The following PDGFD variants were observed in gnomAD, a reference collection of about 807,000 sequenced individuals.
The protein encoded by PDGFD is platelet-derived growth factor D.
PDGFD carries 30 observed loss-of-function variants against 44.7 expected under a neutral mutation model. That is an observed-to-expected ratio of 0.67 (90% CI 0.50 to 0.91). PDGFD has a LOEUF of 0.91. PDGFD is among the 40% of genes least tolerant of loss of function. PDGFD has a pLI of 0.00. For missense variants in PDGFD, 445 were observed against 457.8 expected, an observed-to-expected ratio of 0.97 and a Z score of 0.25; for synonymous variants, 173 against 168.4, an observed-to-expected ratio of 1.03 and a Z score of -0.21.
rs1860519442 is a variant in PDGFD at position 104,050,648 on chromosome 11, A to C, written c.125-50393T>G. ...GTCTGCTCCACTCGGAAACACCCAG[A>C]AATGTGTGGGGCACTTTGGGATGTC... On this transcript the variant is annotated intron_variant, in intron 1 of 6. Transcript: ENST00000393158. 2.6e-5 allele frequency among the ~76,000 whole-genome samples: 4 copies of C among 152,288 alleles called. No homozygotes were observed. The South Asian group carries it at 8.3e-4, about 32-fold the overall frequency.
chr11:104,042,489 G>A lies in PDGFD; in HGVS notation c.125-42234C>T, dbSNP rs142462129. ...TTTGTCTCTTACTACAGCAATGAAT[G>A]TTTTCTGATTGCTTTTTCTTATTGA... is the stretch of plus-strand genomic sequence containing the variant. On this transcript the variant is annotated intron_variant, in intron 1 of 6. Coordinates refer to ENST00000393158, the MANE Select transcript of PDGFD (RefSeq NM_025208.5). 3.0e-4 allele frequency among the ~76,000 whole-genome samples: 46 copies of A among 152,148 alleles called. No homozygotes were observed. The East Asian group carries it at 3.3e-3, about 11-fold the overall frequency.
At chr11:104,128,804 T>C (rs1030148270) in intron 1 of PDGFD, among the ~76,000 whole-genome samples, 1 of 152,172 alleles carries the variant, frequency 6.6e-6, no homozygotes, top group Admixed American at 6.6e-5. Flanking sequence ...ACATTGATAA[T>C]GCACATGAAG....
At chr11:104,052,082 T>C (rs1860548318) in intron 1 of PDGFD, among the ~76,000 whole-genome samples, 1 of 152,230 alleles carries the variant, frequency 6.6e-6, no homozygotes, top group Admixed American at 6.5e-5. Context: ...ATTTAGGTAC[T>C]CTGGGTATTT....
chr11:104,071,388 T>G (rs1415225759), intron 1 of PDGFD, among the ~76,000 whole-genome samples: 3 of 151,348 alleles, frequency 2.0e-5, no homozygotes, highest in African/African-American at 7.3e-5. Context: ...TGTGCATGTG[T>G]GTATATATAT....
chr11:103,947,145 C>G (rs991366978), intron 4 of PDGFD, among the ~76,000 whole-genome samples: 10 of 152,156 alleles, frequency 6.6e-5, no homozygotes, highest in African/African-American at 2.2e-4. Flanking sequence ...GGAGCATGAA[C>G]CATTTTACAG....
intron 1 of PDGFD, among the ~76,000 whole-genome samples, chr11:104,013,828 G>A (rs149067091): frequency 1.3e-5 from 2 of 151,860 alleles, no homozygotes; most frequent in African/African-American, 4.8e-5. Context: ...TAGATGGTCA[G>A]GATAGAAATG....
chr11:103,916,005 C>CTATAT (rs1206164736), intron 6 of PDGFD, among the ~76,000 whole-genome samples: 1 of 152,090 alleles, frequency 6.6e-6, no homozygotes, highest in African/African-American at 2.4e-5. Context: ...AAAACCTAGG[C>CTATAT]AATACCATTC....
At chr11:104,023,432 T>G (rs1859993980) in intron 1 of PDGFD, among the ~76,000 whole-genome samples, 1 of 152,034 alleles carries the variant, frequency 6.6e-6, no homozygotes, top group African/African-American at 2.4e-5. Flanking sequence ...ATATAATCAT[T>G]CCAGAAATGT....
At chr11:104,023,485 A>G (rs1859994351) in intron 1 of PDGFD, among the ~76,000 whole-genome samples, 1 of 152,126 alleles carries the variant, frequency 6.6e-6, no homozygotes, top group Non-Finnish European at 1.5e-5. Context: ...GATTTTGAGT[A>G]GAAGAGAAAA....
intron 1 of PDGFD, among the ~76,000 whole-genome samples, chr11:104,040,256 C>A (rs116048484): frequency 1.3e-5 from 2 of 151,958 alleles, no homozygotes; most frequent in African/African-American, 4.8e-5. Context: ...AAAAATTTCA[C>A]GTTTCTTTGG....
chr11:104,089,949 A>G (rs764371203), intron 1 of PDGFD, among the ~76,000 whole-genome samples: 28 of 152,148 alleles, frequency 1.8e-4, no homozygotes, highest in Non-Finnish European at 3.8e-4. Context: ...CCCTTGCCTC[A>G]AATCAAAATA....
intron 1 of PDGFD, among the ~76,000 whole-genome samples, chr11:104,014,984 G>C: frequency 6.6e-6 from 1 of 152,184 alleles, no homozygotes; most frequent in East Asian, 1.9e-4. Flanking sequence ...TTCATCCTAA[G>C]TATGATCCCA....
intron 6 of PDGFD, among the ~76,000 whole-genome samples, chr11:103,910,109 T>TA (rs1858004941): frequency 6.6e-6 from 1 of 152,108 alleles, no homozygotes; most frequent in African/African-American, 2.4e-5. Context: ...AATAGCTTTC[T>TA]AAGGGCCTGC....
At chr11:103,992,641 C>T (rs10895558) in intron 3 of PDGFD, among the ~76,000 whole-genome samples, 87,798 of 152,016 alleles carry the variant, frequency 0.58, 25,514 homozygotes, top group Admixed American at 0.67. Flanking sequence ...GGCACTGTGA[C>T]AGGTGCTAAA....
At chr11:103,972,093 G>GA (rs1222095025) in intron 3 of PDGFD, among the ~76,000 whole-genome samples, 2 of 152,168 alleles carry the variant, frequency 1.3e-5, no homozygotes, top group Non-Finnish European at 2.9e-5. Flanking sequence ...AAATGTTCCA[G>GA]AAAATCACCA....
intron 1 of PDGFD, among the ~76,000 whole-genome samples, chr11:104,162,947 C>T (rs570911035): frequency 6.6e-6 from 1 of 152,272 alleles, no homozygotes; most frequent in East Asian, 1.9e-4. Flanking sequence ...GGAACATCAG[C>T]TACAGTTTTA....
intron 5 of PDGFD, among the ~76,000 whole-genome samples, chr11:103,939,034 G>A (rs866923091): frequency 6.6e-6 from 1 of 152,152 alleles, no homozygotes; most frequent in African/African-American, 2.4e-5. Context: ...ACTTGGCGAT[G>A]TGGGCTCTTT....
intron 4 of PDGFD, chr11:103,946,378 C>CAGTGGATTTGGA (rs1858668324): frequency 1.3e-5 from 2 of 152,162 alleles, no homozygotes; most frequent in Non-Finnish European, 2.9e-5. Flanking sequence ...CAGGGAACTT[C>CAGTGGATTTGGA]CCCAGATACT....
chr11:104,032,540 T>C (rs1860145161), intron 1 of PDGFD, among the ~76,000 whole-genome samples: 1 of 152,164 alleles, frequency 6.6e-6, no homozygotes, highest in African/African-American at 2.4e-5. Flanking sequence ...TATGTAGGTA[T>C]TCTATTTTTT....
Sources: allele counts gnomAD v4.1 joint callset (sites outside exome capture counted in the v4.1 genomes callset), GRCh38; gene constraint gnomAD v4.1.1; transcripts MANE v1.5; gene names NCBI Gene and HGNC (gene_info 2026-07-23, HGNC 2026-07-21).